TBCD: variants seen among roughly 807,000 people sequenced by gnomAD.
The protein encoded by TBCD is tubulin-specific chaperone D.
Under a neutral mutation model 169.3 loss-of-function variants are expected in TBCD, and 105 were observed. That is an observed-to-expected ratio of 0.62 (90% CI 0.53 to 0.73). The LOEUF (loss-of-function observed/expected upper bound fraction) is 0.73. Ranked by LOEUF, TBCD falls within the 30% of genes least tolerant of loss-of-function variation. The pLI, the probability that TBCD is intolerant of heterozygous loss-of-function variation, is 0.00. For synonymous variants in TBCD, 700 were observed against 643.9 expected, an observed-to-expected ratio of 1.09 and a Z score of -1.32; for missense variants, 1,444 against 1,600.1, an observed-to-expected ratio of 0.90 and a Z score of 1.66.
chr17:82,868,720 T>C (rs2057356477), intron 13 of TBCD, among the ~76,000 whole-genome samples: 1 of 152,226 alleles, frequency 6.6e-6, no homozygotes. Context: ...TTGTTGCTTA[T>C]GGTGTTTTGC....
intron 12 of TBCD, among the ~76,000 whole-genome samples, chr17:82,810,526 G>A (rs975778055): frequency 1.3e-4 from 7 of 53,450 alleles, no homozygotes; most frequent in East Asian, 1.1e-3. Flanking sequence ...TCTTGGGACC[G>A]TGTGGCTTGT....
intron 23 of TBCD, chr17:82,912,968 G>A (rs1297062119): frequency 6.6e-6 from 1 of 152,298 alleles, no homozygotes; most frequent in Non-Finnish European, 1.5e-5. Flanking sequence ...TTCTGCAGGT[G>A]GTCCCTGTTG....
chr17:82,874,253 G>A lies in TBCD; in HGVS notation c.1475+3873G>A, dbSNP rs1456999212. On this transcript the variant is annotated intron_variant, in intron 14 of 38. Transcript: ENST00000355528. The surrounding 1 kb of genome is among the most constrained non-coding windows in gnomAD (Gnocchi z 5.0). ...CTGAGTTTCTCAGGCCTGAAGGACT[G>A]TAGGACGCACTGTGGGCTGCAGGCT... 1.3e-5 allele frequency among the ~76,000 whole-genome samples: 2 copies of A among 152,172 alleles called. No individual in the cohort carries two copies. The highest frequency in any genetic ancestry group is 2.9e-5 in the Non-Finnish European group (2 of 68,014).
chr17:82,815,002 G>A, intron 13 of TBCD, 68 bp downstream of exon 13: 1 of 1,595,450 alleles, frequency 6.3e-7, no homozygotes, highest in Non-Finnish European at 8.5e-7. Flanking sequence ...GAGGCCTGTT[G>A]CTGCCATCTC....
chr17:82,802,426 C>T (rs961653851), intron 9 of TBCD, among the ~76,000 whole-genome samples: 22 of 152,076 alleles, frequency 1.4e-4, no homozygotes, highest in African/African-American at 5.1e-4. Context: ...GCACAGTGTT[C>T]GTGGCTAGTT....
At chr17:82,823,722 C>G (rs1006820698) in intron 13 of TBCD, among the ~76,000 whole-genome samples, 1 of 151,868 alleles carries the variant, frequency 6.6e-6, no homozygotes, top group East Asian at 1.9e-4. Context: ...TATAATTCAC[C>G]CATTTAAAAT....
At chr17:82,799,785 C>A (rs1265770448) in intron 8 of TBCD, among the ~76,000 whole-genome samples, 1 of 152,228 alleles carries the variant, frequency 6.6e-6, no homozygotes, top group Admixed American at 6.5e-5. Context: ...ACACAGACCT[C>A]CCTCTTGGGC....
At chr17:82,770,688 T>C (rs1015439806) in intron 5 of TBCD, among the ~76,000 whole-genome samples, 1 of 151,660 alleles carries the variant, frequency 6.6e-6, no homozygotes, top group Non-Finnish European at 1.5e-5. Context: ...GCATGGTTTG[T>C]CAAGACTTGG....
At chr17:82,846,946 C>T (rs78676636) in intron 13 of TBCD, among the ~76,000 whole-genome samples, 3,961 of 152,282 alleles carry the variant, frequency 0.026, 189 homozygotes, top group African/African-American at 0.089. Context: ...GGGGTCCTCA[C>T]CCGCCATGTG....
At position 82,920,350 on chromosome 17, in the gene TBCD, C is replaced by T. The variant is rs1245438213; in HGVS notation, c.2039-206C>T. The T allele has an allele frequency of 6.6e-6, 4 of 602,838 alleles. No homozygotes were observed. Among genetic ancestry groups the T allele is most frequent in the Non-Finnish European group, 8.7e-6 (3 of 343,482 alleles). 37.3% of individuals were successfully genotyped at this position (602,838 alleles called of 1,614,324 possible). A position where few individuals can be genotyped will look rare whatever the true frequency, so the allele number is the denominator to read the frequency against. ...CTGGGTCTGCAGCACTTTCTTCAGG[C>T]TGCTCAGCGGAGGAGGCGTCTTGGG... On this transcript the variant is annotated intron_variant, in intron 23 of 38. Transcript: ENST00000355528. The surrounding 1 kb of genome is among the most constrained non-coding windows in gnomAD (Gnocchi z 4.1).
chr17:82,769,462 G>C (rs757755171), intron 5 of TBCD, among the ~76,000 whole-genome samples: 1 of 152,194 alleles, frequency 6.6e-6, no homozygotes, highest in Non-Finnish European at 1.5e-5. Flanking sequence ...CAGTTGTCTC[G>C]GTCTTCCTGC....
At position 82,864,791 on chromosome 17, in the gene TBCD, C is replaced by T. The variant is rs2057032936; in HGVS notation, c.1319-5433C>T. On this transcript the variant is annotated intron_variant, in intron 13 of 38. Transcript: ENST00000355528. This position sits in a 1 kb window ranked among gnomAD's most constrained non-coding sequence, Gnocchi z 6.3. The stretch of plus-strand genomic sequence containing the variant: ...TATCCGGGCGCCCACCCTAGCAGCA[C>T]AGGAAGGGCTGGGATCACCACTCCC... Among the ~76,000 whole-genome samples, 3 of 145,544 alleles carry T rather than the reference C, an allele frequency of 2.1e-5. No homozygotes were observed. The South Asian group carries it at 6.6e-4, about 32-fold the overall frequency.
At chr17:82,846,366 G>C (rs1230176300) in intron 13 of TBCD, among the ~76,000 whole-genome samples, 2 of 151,388 alleles carry the variant, frequency 1.3e-5, no homozygotes, top group African/African-American at 4.8e-5. Flanking sequence ...TCCATGCGCT[G>C]TGTCCCATGT....
chr17:82,830,069 A>G, intron 13 of TBCD: 1 of 1,599,552 alleles, frequency 6.3e-7, no homozygotes, highest in Non-Finnish European at 8.5e-7. Context: ...GCCAGTTCAG[A>G]GGTGTTGTAG....
intron 13 of TBCD, chr17:82,830,964 A>T: frequency 6.2e-7 from 1 of 1,613,514 alleles, no homozygotes; most frequent in Non-Finnish European, 8.5e-7. Context: ...AGCCTGGCTC[A>T]TGGAACCCAA....
rs1256624884 is a variant in TBCD, at chr17:82,864,327, C to T, written c.1319-5897C>T. On this transcript the variant is annotated intron_variant, in intron 13 of 38. Transcript: ENST00000355528. This position sits in a 1 kb window ranked among gnomAD's most constrained non-coding sequence, Gnocchi z 6.3. The stretch of plus-strand genomic sequence containing the variant: ...TGCGGGTGCCCAGCCTGTGGGGCTT[C>T]CTCATCGCCCCCATCCAGGCAGATC... 1 of 152,274 alleles carries T rather than the reference C, an allele frequency of 6.6e-6. No homozygotes were observed. Among genetic ancestry groups the T allele is most frequent in the Non-Finnish European group, 1.5e-5 (1 of 68,056 alleles). The allele number at this position is 152,274 out of a possible 1,614,324, so 9.4% of individuals were successfully genotyped here.
intron 6 of TBCD, among the ~76,000 whole-genome samples, chr17:82,781,229 T>G: frequency 6.9e-6 from 1 of 145,906 alleles, no homozygotes. Context: ...CAGAGTTGGG[T>G]CCAGGGAGGA....
At chr17:82,861,246 T>C (rs1002404493) in intron 13 of TBCD, among the ~76,000 whole-genome samples, 4 of 152,058 alleles carry the variant, frequency 2.6e-5, no homozygotes, top group Non-Finnish European at 4.4e-5. Flanking sequence ...GGGCTTGGGA[T>C]GTGCGGCCGG....
chr17:82,875,829 T>A (rs114754225), intron 14 of TBCD, among the ~76,000 whole-genome samples: 210 of 152,250 alleles, frequency 1.4e-3, no homozygotes, highest in African/African-American at 4.3e-3. Context: ...ACCCGGCAAA[T>A]CCTGCCTCCA....
Sources: gnomAD v4.1 joint callset for allele counts (sites outside exome capture counted in the v4.1 genomes callset) on GRCh38, gnomAD v4.1.1 for gene constraint, Gnocchi (gnomAD v3.1) non-coding constraint, MANE v1.5 for transcripts, NCBI Gene and HGNC (gene_info 2026-07-23, HGNC 2026-07-21) for gene names.